DACT1: variants seen among roughly 807,000 people sequenced by gnomAD.
DACT1 encodes the protein dishevelled binding antagonist of beta catenin 1.
Under a neutral mutation model 35.3 loss-of-function variants are expected in DACT1, and 19 were observed. That is an observed-to-expected ratio of 0.54 (90% confidence interval 0.38 to 0.79). The LOEUF (loss-of-function observed/expected upper bound fraction) is 0.79, where lower values mean the gene tolerates loss of function less well. DACT1 is among the 30% of genes least tolerant of loss of function. The pLI, the probability that DACT1 is intolerant of heterozygous loss-of-function variation, is 0.00. For missense variants in DACT1, 1,143 were observed against 1,057.5 expected, an observed-to-expected ratio of 1.08 and a Z score of -1.12; for synonymous variants, 545 against 466.7, an observed-to-expected ratio of 1.17 and a Z score of -2.16.
Position 58,646,776 on chromosome 14 carries a change from C to G in DACT1, c.2042C>G (p.Ala681Gly). Reference sequence around the variant, plus strand: ...CCTCTGCCCTACGCCAGCCCCTACGCCTACGTGGCTAGCGACTCCGAGTAC... The same window carrying G: ...CCTCTGCCCTACGCCAGCCCCTACGGCTACGTGGCTAGCGACTCCGAGTAC... ...PVPLPYASPY[A>G]YVASDSEYSA... The change falls in exon 4 of 4, where the codon GCC becomes GGC. Residue 681 changes from alanine to glycine, a missense_variant. Ala to Gly is a moderately conservative substitution (Grantham distance 60). Transcript: ENST00000395153. The G allele has an allele frequency of 6.2e-7, 1 of 1,614,160 alleles. No individual in the cohort carries two copies. Among genetic ancestry groups the G allele is most frequent in the Non-Finnish European group, 8.5e-7 (1 of 1,180,020 alleles).
intron 3 of DACT1, among the ~76,000 whole-genome samples, chr14:58,644,008 C>G (rs191276823): frequency 1.3e-5 from 2 of 152,206 alleles, no homozygotes; most frequent in African/African-American, 2.4e-5. Context: ...ATGGAGCTTT[C>G]TCAACATAGA....
rs2047692987 is a variant in DACT1, at chr14:58,646,782, T to A, written c.2048T>A (p.Val683Glu). The A allele has an allele frequency of 1.2e-6, 2 of 1,614,014 alleles. No individual in the cohort carries two copies. Among genetic ancestry groups the A allele is most frequent in the Admixed American group, 1.7e-5 (1 of 59,998 alleles). The change falls in exon 4 of 4, where the codon GTG (valine) becomes GAG (glutamate). Residue 683 changes from valine to glutamate, a missense_variant. Physicochemically the swap from Val to Glu is moderately radical, Grantham distance 121. Around this residue, in one of 3 missense-constraint regions of DACT1, gnomAD observed 1,054 missense variants for 958.8 expected, o/e 1.10. Transcript: ENST00000395153. The part of the protein sequence containing the change: ...PLPYASPYAY[V>E]ASDSEYSAEC... Reference sequence around the variant, plus strand: ...CCCTACGCCAGCCCCTACGCCTACGTGGCTAGCGACTCCGAGTACTCGGCC... The same window carrying A: ...CCCTACGCCAGCCCCTACGCCTACGAGGCTAGCGACTCCGAGTACTCGGCC...
chr14:58,645,706 C>A lies in DACT1; in HGVS notation c.972C>A (p.Ser324Arg). The A allele has an allele frequency of 6.2e-7, 1 of 1,614,230 alleles. No individual in the cohort carries two copies. Among genetic ancestry groups the A allele is most frequent in the Non-Finnish European group, 8.5e-7 (1 of 1,180,036 alleles). ...TAAGGACCAACAAACCAAGAACCAGCGTGAACGCTGACCCCACGAAAGGGC... is the reference window on the plus strand; with the variant it reads ...TAAGGACCAACAAACCAAGAACCAGAGTGAACGCTGACCCCACGAAAGGGC... ...HPVRTNKPRT[S>R]VNADPTKGLL... Residue 324 changes from serine (S) to arginine (R), a missense_variant, in exon 4 of 4, where the codon AGC (serine) becomes AGA (arginine). Ser to Arg is a moderately radical substitution (Grantham distance 110). Coordinates refer to ENST00000395153, the MANE Select transcript of DACT1 (RefSeq NM_001079520.2).
chr14:58,645,210 G>T (rs1415947146), intron 3 of DACT1, 159 bp from the exon 4 acceptor site: 4 of 1,502,958 alleles, frequency 2.7e-6, no homozygotes, highest in Admixed American at 1.8e-5. Flanking sequence ...AGTCAAGCTG[G>T]TGCTGACCAA....
intron 3 of DACT1, among the ~76,000 whole-genome samples, chr14:58,642,772 G>T (rs1296587483): frequency 6.6e-6 from 1 of 152,226 alleles, no homozygotes; most frequent in Non-Finnish European, 1.5e-5. Flanking sequence ...GCACTTCAGG[G>T]AGCAATGGCC....
At position 58,646,709 on chromosome 14, in the gene DACT1, C is replaced by T; in HGVS notation, c.1975C>T (p.Arg659Cys). 1 of 1,613,184 alleles carries T rather than the reference C, an allele frequency of 6.2e-7. No individual in the cohort carries two copies. The highest frequency in any genetic ancestry group is 8.5e-7 in the Non-Finnish European group (1 of 1,179,920). The change falls in exon 4 of 4, where the codon CGC becomes TGC. Residue 659 changes from arginine to cysteine, a missense_variant. Physicochemically the swap from Arg to Cys is radical, Grantham distance 180. Transcript: ENST00000395153. ...SYEEALRRARRGRRENVGLYP... is the reference protein window; with the variant it reads ...SYEEALRRARCGRRENVGLYP... ...CGAAGAGGCCCTGAGGAGGGCCCGG[C>T]GCGGTCGCCGGGAGAATGTGGGGCT... is the stretch of plus-strand genomic sequence containing the variant.
chr14:58,646,843 C>T lies in DACT1; in HGVS notation c.2109C>T (p.Asp703=), dbSNP rs776670630. ...CESLFHSTVV[D]TSEDEQSNYT... is the part of the protein sequence containing the mutation. ...CCCTGTTCCACTCCACCGTGGTGGACACCAGTGAGGACGAGCAGAGCAATT... is the reference window on the plus strand; with the variant it reads ...CCCTGTTCCACTCCACCGTGGTGGATACCAGTGAGGACGAGCAGAGCAATT... The change falls in exon 4 of 4, where the codon GAC becomes GAT. Residue 703 remains aspartate (D), a synonymous_variant. Transcript: ENST00000395153. 6.2e-7 allele frequency: 1 copy of T among 1,614,208 alleles called. No homozygotes were observed. The highest frequency in any genetic ancestry group is 1.1e-5 in the South Asian group (1 of 91,084).
chr14:58,636,397 C>A (rs1394260263), upstream of DACT1, among the ~76,000 whole-genome samples: 2 of 152,068 alleles, frequency 1.3e-5, no homozygotes, highest in South Asian at 2.1e-4. Context: ...CTGAATACAG[C>A]GATACTAAGA....
intron 1 of DACT1, 24 bp downstream of exon 1, chr14:58,638,571 C>T (rs777195162): frequency 7.6e-7 from 1 of 1,321,850 alleles, no homozygotes; most frequent in Non-Finnish European, 9.7e-7. Flanking sequence ...GAAGGTGGAG[C>T]ACGGCTGTTC....
At chr14:58,640,642 C>A in intron 1 of DACT1, 94 bp from the exon 2 acceptor site, 1 of 1,455,864 alleles carries the variant, frequency 6.9e-7, no homozygotes, top group Non-Finnish European at 9.2e-7. Flanking sequence ...GTTTAGTGAA[C>A]TCTTCAGATG....
chr14:58,646,855 C>G lies in DACT1; in HGVS notation c.2121C>G (p.Asp707Glu), dbSNP rs139280719. ...FHSTVVDTSE[D>E]EQSNYTTNCF... is the part of the protein sequence containing the mutation. The stretch of plus-strand genomic sequence containing the variant: ...CCACCGTGGTGGACACCAGTGAGGA[C>G]GAGCAGAGCAATTACACCACCAACT... The change falls in exon 4 of 4, where the codon GAC becomes GAG. Residue 707 changes from aspartate (D) to glutamate (E), a missense_variant. Physicochemically the swap from Asp to Glu is conservative, Grantham distance 45. Around this residue, in one of 3 missense-constraint regions of DACT1, gnomAD observed 1,054 missense variants for 958.8 expected, o/e 1.10. Coordinates refer to ENST00000395153, the MANE Select transcript of DACT1 (RefSeq NM_001079520.2). 2.4e-5 allele frequency: 39 copies of G among 1,614,056 alleles called. No individual in the cohort carries two copies. Among genetic ancestry groups the G allele is most frequent in the Non-Finnish European group, 3.2e-5 (38 of 1,180,034 alleles).
chr14:58,637,207 A>G (rs1260852875), upstream of DACT1, among the ~76,000 whole-genome samples: 1 of 152,258 alleles, frequency 6.6e-6, no homozygotes, highest in African/African-American at 2.4e-5. Context: ...CTAAGTAATA[A>G]TAAAAGCTCA....
Position 58,646,180 on chromosome 14 carries a change from C to T in DACT1, c.1446C>T (p.Pro482=). ...AGAAAAACAGCCTGCAGGGCGTCCC[C>T]CCGGCCACTCCTCCCCTGCTGTCTA... The part of the protein sequence containing the change: ...MSQKNSLQGV[P]PATPPLLSTA... The change falls in exon 4 of 4, where the codon CCC becomes CCT. Residue 482 remains proline, a synonymous_variant. Transcript: ENST00000395153. The T allele has an allele frequency of 1.2e-6, 2 of 1,613,690 alleles. No individual in the cohort carries two copies. The highest frequency in any genetic ancestry group is 1.7e-6 in the Non-Finnish European group (2 of 1,179,894).
Position 58,646,597 on chromosome 14 carries a change from T to G in DACT1, c.1863T>G (p.His621Gln). 1 of 1,593,030 alleles carries G rather than the reference T, an allele frequency of 6.3e-7. No homozygotes were observed. The highest frequency in any genetic ancestry group is 8.5e-7 in the Non-Finnish European group (1 of 1,170,022). Residue 621 changes from histidine to glutamine, a missense_variant, in exon 4 of 4, where the codon CAT (histidine) becomes CAG (glutamine). His to Gln is a conservative substitution (Grantham distance 24). Around this residue, in one of 3 missense-constraint regions of DACT1, gnomAD observed 1,054 missense variants for 958.8 expected, o/e 1.10. Coordinates refer to ENST00000395153, the MANE Select transcript of DACT1 (RefSeq NM_001079520.2). ...GGGHRAGSRA[H>Q]GHGREAVVAK... is the part of the protein sequence containing the mutation. ...GCCACAGGGCGGGGAGCAGGGCGCA[T>G]GGCCACGGACGGGAGGCGGTGGTGG...
In DACT1 at chr14:58,638,560, C is replaced by T. The variant is rs748037387; in HGVS notation, c.345+13C>T. 3.0e-6 allele frequency: 4 copies of T among 1,331,714 alleles called. No homozygotes were observed. The highest frequency in any genetic ancestry group is 9.7e-7 in the Non-Finnish European group (1 of 1,034,230). 82.5% of individuals were successfully genotyped at this position (1,331,714 alleles called of 1,614,324 possible). On this transcript the variant is annotated intron_variant, in intron 1 of 3. Coordinates refer to ENST00000395153, the MANE Select transcript of DACT1 (RefSeq NM_001079520.2). ...AAGAAAGCAATTGGTAGGTCGTGCC[C>T]GAAGGTGGAGCACGGCTGTTCCTGC... is the stretch of plus-strand genomic sequence containing the variant.
Position 58,647,202 on chromosome 14 carries a change from G to A in DACT1, c.*68G>A, listed in dbSNP as rs1376463680. ...CTCCCTAGTTGCCAAAATTAAAAAGGTGGTGTTTTCATTTTTGTATAATAC... is the reference window on the plus strand; with the variant it reads ...CTCCCTAGTTGCCAAAATTAAAAAGATGGTGTTTTCATTTTTGTATAATAC... On this transcript the variant is annotated 3_prime_UTR_variant, in exon 4 of 4. Transcript: ENST00000395153. 6.5e-6 allele frequency: 10 copies of A among 1,542,858 alleles called. 1 individual carries two copies. In the South Asian group the frequency reaches 1.1e-4, roughly 17 times the overall value.
chr14:58,642,342 C>A (rs948783845), intron 3 of DACT1, among the ~76,000 whole-genome samples: 8 of 152,096 alleles, frequency 5.3e-5, no homozygotes, highest in Non-Finnish European at 8.8e-5. Context: ...CAAAAATTAG[C>A]CGGGCATGGT....
At chr14:58,643,452 G>A (rs1206087276) in intron 3 of DACT1, among the ~76,000 whole-genome samples, 1 of 152,080 alleles carries the variant, frequency 6.6e-6, no homozygotes, top group East Asian at 1.9e-4. Flanking sequence ...CTGAGCAGCT[G>A]AGGGAGCTAA....
rs190470649 is a variant in DACT1 at position 58,647,753 on chromosome 14, C to G, written c.*619C>G. ...TCGATAGGGACCTTAAAAGGATTCACAAAAACTTTTGCCACACTTGGTGCC... is the reference window on the plus strand; with the variant it reads ...TCGATAGGGACCTTAAAAGGATTCAGAAAAACTTTTGCCACACTTGGTGCC... On this transcript the variant is annotated 3_prime_UTR_variant, in exon 4 of 4. Transcript: ENST00000395153. 4.2e-5 allele frequency: 7 copies of G among 167,400 alleles called. No individual in the cohort carries two copies. Among genetic ancestry groups the G allele is most frequent in the Admixed American group, 3.9e-4 (6 of 15,312 alleles). 10.4% of individuals were successfully genotyped at this position (167,400 alleles called of 1,614,324 possible). A position where few individuals can be genotyped will look rare whatever the true frequency, so the allele number is the denominator to read the frequency against.
Sources: allele counts gnomAD v4.1 joint callset (sites outside exome capture counted in the v4.1 genomes callset), GRCh38; gene constraint gnomAD v4.1.1; regional missense constraint gnomAD v4.1.1; transcripts MANE v1.5; gene names NCBI Gene and HGNC (gene_info 2026-07-23, HGNC 2026-07-21).